OPCML: variants seen among roughly 807,000 people sequenced by gnomAD.
OPCML encodes opioid-binding protein/cell adhesion molecule.
OPCML carries 13 observed loss-of-function variants against 37.8 expected under a neutral mutation model. The ratio of observed to expected loss-of-function variants is 0.34; its 90% CI spans 0.22 to 0.55. The LOEUF is 0.55. OPCML is among the 20% of genes least tolerant of loss of function. The pLI, the probability that OPCML is intolerant of heterozygous loss-of-function variation, is 0.91. For synonymous variants in OPCML, 176 were observed against 168.8 expected (o/e 1.04, Z -0.33); for missense variants, 341 against 435.6 (o/e 0.78, Z 1.93).
chr11:132,535,037 A>C (rs916120465), intron 3 of OPCML, among the ~76,000 whole-genome samples: 2 of 148,584 alleles, frequency 1.3e-5, no homozygotes, highest in Admixed American at 1.4e-4. Context: ...TAAATACATT[A>C]TATGATATGT....
chr11:133,437,971 G>GA (rs569883500), intron 1 of OPCML, among the ~76,000 whole-genome samples: 1 of 150,990 alleles, frequency 6.6e-6, no homozygotes, highest in Non-Finnish European at 1.5e-5. Flanking sequence ...ATACTTCAGG[G>GA]AAAAAAATAT....
At chr11:132,744,186 A>T (rs1443622097) in intron 2 of OPCML, among the ~76,000 whole-genome samples, 1 of 152,224 alleles carries the variant, frequency 6.6e-6, no homozygotes, top group Non-Finnish European at 1.5e-5. Flanking sequence ...CCTATGTTGC[A>T]ACTCCTCGAA....
intron 1 of OPCML, among the ~76,000 whole-genome samples, chr11:133,083,412 G>A (rs1195522044): frequency 6.6e-6 from 1 of 152,152 alleles, no homozygotes; most frequent in Non-Finnish European, 1.5e-5. Flanking sequence ...CGCTGGCTGC[G>A]GAGAGGGCTG....
chr11:132,653,631 A>T (rs1035278174), intron 3 of OPCML, among the ~76,000 whole-genome samples: 3 of 152,170 alleles, frequency 2.0e-5, no homozygotes, highest in African/African-American at 7.2e-5. Context: ...TCTCAATGAG[A>T]AGGATTTGGA....
At chr11:133,009,934 C>T (rs1947185367) in intron 1 of OPCML, among the ~76,000 whole-genome samples, 2 of 152,348 alleles carry the variant, frequency 1.3e-5, no homozygotes, top group South Asian at 2.1e-4. Context: ...CATTAGAAAG[C>T]ATTCAGAGGA....
At chr11:133,396,998 C>T (rs1945300810) in intron 1 of OPCML, among the ~76,000 whole-genome samples, 1 of 152,144 alleles carries the variant, frequency 6.6e-6, no homozygotes. Flanking sequence ...TGAGTGTGAC[C>T]CATGTTCATC....
intron 4 of OPCML, among the ~76,000 whole-genome samples, chr11:132,461,907 C>T (rs188958962): frequency 7.2e-5 from 11 of 152,266 alleles, no homozygotes; most frequent in East Asian, 5.8e-4. Context: ...AGGGTAACCA[C>T]GCCCATGATT....
intron 3 of OPCML, among the ~76,000 whole-genome samples, chr11:132,636,816 A>G (rs1004634629): frequency 6.6e-6 from 1 of 152,168 alleles, no homozygotes; most frequent in Non-Finnish European, 1.5e-5. Context: ...TTATCAGGTA[A>G]AGTACTGTCT....
At chr11:132,881,797 G>T (rs1012308175) in intron 2 of OPCML, among the ~76,000 whole-genome samples, 5 of 152,164 alleles carry the variant, frequency 3.3e-5, no homozygotes, top group Non-Finnish European at 5.9e-5. Context: ...GCTTGCATTT[G>T]TAGTGCTGAA....
At chr11:132,606,501 A>T (rs1168901246) in intron 3 of OPCML, among the ~76,000 whole-genome samples, 19 of 152,126 alleles carry the variant, frequency 1.2e-4, no homozygotes, top group Admixed American at 1.2e-3. Context: ...TTTGAGGGAA[A>T]AGGCACACAG....
intron 3 of OPCML, among the ~76,000 whole-genome samples, chr11:132,656,680 A>G (rs1344547340): frequency 6.6e-6 from 1 of 152,184 alleles, no homozygotes; most frequent in Non-Finnish European, 1.5e-5. Context: ...GAAAACAGTC[A>G]TGTCACGTAG....
At chr11:133,201,011 A>G (rs1938759701) in intron 1 of OPCML, among the ~76,000 whole-genome samples, 1 of 152,244 alleles carries the variant, frequency 6.6e-6, no homozygotes, top group Non-Finnish European at 1.5e-5. Flanking sequence ...CCATTATCCC[A>G]AGCAAATTAA....
At chr11:133,461,934 T>C (rs1288597161) in intron 1 of OPCML, among the ~76,000 whole-genome samples, 3 of 151,974 alleles carry the variant, frequency 2.0e-5, no homozygotes, top group Non-Finnish European at 4.4e-5. Context: ...GACAGACGTT[T>C]AAACCAACGG....
At chr11:133,469,543 T>G (rs1947057576) in intron 1 of OPCML, among the ~76,000 whole-genome samples, 1 of 152,228 alleles carries the variant, frequency 6.6e-6, no homozygotes, top group Non-Finnish European at 1.5e-5. Flanking sequence ...TCAGCCCACT[T>G]CAATTCATGC....
chr11:132,594,125 C>T lies in OPCML; in HGVS notation c.379+62962G>A, dbSNP rs189961576. Among the ~76,000 whole-genome samples the T allele has an allele frequency of 8.5e-5, 13 of 152,304 alleles. No individual in the cohort carries two copies. The East Asian group carries it at 2.5e-3, about 29-fold the overall frequency. On this transcript the variant is annotated intron_variant, in intron 3 of 7. Transcript: ENST00000524381. Reference sequence around the variant, plus strand: ...TTCTGCTTCACCATCTATAAGCCTACAAAGCAACATCCAAAGGGGCTGTGA... The same window carrying T: ...TTCTGCTTCACCATCTATAAGCCTATAAAGCAACATCCAAAGGGGCTGTGA...
At chr11:133,166,472 T>C (rs770369840) in intron 1 of OPCML, among the ~76,000 whole-genome samples, 21 of 152,382 alleles carry the variant, frequency 1.4e-4, no homozygotes, top group Admixed American at 9.1e-4. Context: ...CTCCAGTGTC[T>C]GTACCTTAAT....
chr11:132,912,941 A>G (rs1276672951), intron 2 of OPCML, among the ~76,000 whole-genome samples: 1 of 152,228 alleles, frequency 6.6e-6, no homozygotes, highest in East Asian at 1.9e-4. Context: ...GTCAGGGACT[A>G]TTTGATGCTT....
chr11:132,738,841 AAC>A (rs1591538861), intron 2 of OPCML, among the ~76,000 whole-genome samples: 2 of 152,362 alleles, frequency 1.3e-5, no homozygotes, highest in East Asian at 3.9e-4. Flanking sequence ...TGGTACCTTC[AAC>A]CTTGTATTGA....
chr11:132,928,372 C>CA (rs1033839378), intron 2 of OPCML, among the ~76,000 whole-genome samples: 7 of 151,768 alleles, frequency 4.6e-5, no homozygotes, highest in African/African-American at 9.7e-5. Flanking sequence ...AAAACTCTCA[C>CA]AAAAAACACA....
Sources: gnomAD v4.1 joint callset for allele counts (sites outside exome capture counted in the v4.1 genomes callset) on GRCh38, gnomAD v4.1.1 for gene constraint, MANE v1.5 for transcripts, NCBI Gene and HGNC (gene_info 2026-07-23, HGNC 2026-07-21) for gene names.